The following CPA6 variants were observed in gnomAD, a reference collection of about 807,000 sequenced individuals.
The protein encoded by CPA6 is carboxypeptidase B.
CPA6 carries 58 observed loss-of-function variants against 63.3 expected under a neutral mutation model. That is an observed-to-expected ratio of 0.92 (90% confidence interval 0.74 to 1.14). The LOEUF (loss-of-function observed/expected upper bound fraction) is 1.14. CPA6 is among the 50% of genes most tolerant of loss of function. The pLI is 0.00. For synonymous variants in CPA6, 185 were observed against 179.0 expected, an observed-to-expected ratio of 1.03 and a Z score of -0.27; for missense variants, 565 against 526.6, an observed-to-expected ratio of 1.07 and a Z score of -0.71.
chr8:67,558,284 C>T (rs532795116), intron 2 of CPA6, among the ~76,000 whole-genome samples: 2 of 152,254 alleles, frequency 1.3e-5, no homozygotes, highest in East Asian at 3.9e-4. Flanking sequence ...CAAAGAAATG[C>T]ATTTCTTCTA....
At chr8:67,684,802 C>T (rs987210299) in intron 1 of CPA6, among the ~76,000 whole-genome samples, 35 of 152,170 alleles carry the variant, frequency 2.3e-4, no homozygotes, top group African/African-American at 7.5e-4. Flanking sequence ...ATCTGATCAC[C>T]TTCCACATCC....
At chr8:67,548,454 A>C (rs1228684191) in intron 2 of CPA6, among the ~76,000 whole-genome samples, 1 of 151,464 alleles carries the variant, frequency 6.6e-6, no homozygotes, top group Non-Finnish European at 1.5e-5. Flanking sequence ...ACAGGGTTTC[A>C]CCATGTTGGC....
At chr8:67,434,273 G>A (rs375456613) in intron 8 of CPA6, 33 bp from the exon 9 acceptor site, 2 of 1,559,662 alleles carry the variant, frequency 1.3e-6, no homozygotes, top group African/African-American at 2.7e-5. Context: ...GGGTAAGGAA[G>A]TGGGCAGGGA....
chr8:67,573,414 T>C (rs745825769), intron 2 of CPA6, among the ~76,000 whole-genome samples: 2 of 152,154 alleles, frequency 1.3e-5, no homozygotes, highest in Non-Finnish European at 2.9e-5. Context: ...GATATACAAA[T>C]TCAGTAAAGT....
intron 8 of CPA6, among the ~76,000 whole-genome samples, chr8:67,464,558 C>T (rs1215720101): frequency 6.6e-6 from 1 of 152,118 alleles, no homozygotes; most frequent in Non-Finnish European, 1.5e-5. Flanking sequence ...GTTGCAATTG[C>T]TTTTGAGGAC....
chr8:67,517,616 C>A (rs1812172446), intron 3 of CPA6, among the ~76,000 whole-genome samples: 1 of 152,212 alleles, frequency 6.6e-6, no homozygotes, highest in Non-Finnish European at 1.5e-5. Context: ...CTTTTCCACT[C>A]CTGCCTTCTC....
chr8:67,473,831 T>C (rs1291155409), intron 8 of CPA6, among the ~76,000 whole-genome samples: 1 of 151,900 alleles, frequency 6.6e-6, no homozygotes, highest in Non-Finnish European at 1.5e-5. Flanking sequence ...GGTCTCGAAA[T>C]CCCGGGCTCA....
chr8:67,600,836 G>T (rs1343106765), intron 2 of CPA6, among the ~76,000 whole-genome samples: 2 of 152,086 alleles, frequency 1.3e-5, no homozygotes, highest in Non-Finnish European at 2.9e-5. Flanking sequence ...AAGAACAAAG[G>T]TTCACAAGAG....
chr8:67,573,891 CAAAAAAAAAAAAAA>C, intron 2 of CPA6, among the ~76,000 whole-genome samples: 1 of 33,494 alleles, frequency 3.0e-5, no homozygotes, highest in Admixed American at 3.0e-4. Flanking sequence ...GACTCCGTCT[CAAAAAAAAAAAAAA>C]AAAAAAAAAA....
chr8:67,733,639 G>A (rs1338961476), intron 1 of CPA6, among the ~76,000 whole-genome samples: 1 of 152,058 alleles, frequency 6.6e-6, no homozygotes, highest in Non-Finnish European at 1.5e-5. Context: ...AGGACTTAAA[G>A]AAGTGCTGTA....
chr8:67,611,053 T>A (rs1430489244), intron 2 of CPA6, among the ~76,000 whole-genome samples: 2 of 151,620 alleles, frequency 1.3e-5, no homozygotes, highest in African/African-American at 2.4e-5. Flanking sequence ...TATTATCCCA[T>A]AACATCTACC....
chr8:67,560,437 A>G (rs1189476991), intron 2 of CPA6, among the ~76,000 whole-genome samples: 1 of 152,174 alleles, frequency 6.6e-6, no homozygotes, highest in African/African-American at 2.4e-5. Context: ...AAATAAGTTA[A>G]CAGTCTTCTG....
At chr8:67,649,255 T>C (rs532742587) in intron 1 of CPA6, among the ~76,000 whole-genome samples, 4 of 152,356 alleles carry the variant, frequency 2.6e-5, no homozygotes, top group Admixed American at 2.0e-4. Context: ...GCATGCAATG[T>C]GAATCTGGAA....
At chr8:67,576,014 T>A (rs2128977363) in intron 2 of CPA6, among the ~76,000 whole-genome samples, 1 of 152,270 alleles carries the variant, frequency 6.6e-6, no homozygotes, top group East Asian at 1.9e-4. Context: ...GAGAGTAGAA[T>A]GGTGGTTACC....
chr8:67,700,403 A>T (rs543906580), intron 1 of CPA6, among the ~76,000 whole-genome samples: 2 of 152,292 alleles, frequency 1.3e-5, no homozygotes, highest in African/African-American at 4.8e-5. Context: ...CAATACAGCC[A>T]TTTTCTCCAG....
intron 2 of CPA6, among the ~76,000 whole-genome samples, chr8:67,540,700 C>T (rs1360222597): frequency 6.6e-6 from 1 of 152,218 alleles, no homozygotes; most frequent in East Asian, 1.9e-4. Context: ...AGATGCCCTG[C>T]CCAGAGAGGA....
intron 8 of CPA6, among the ~76,000 whole-genome samples, chr8:67,445,284 A>G (rs1261755614): frequency 3.3e-5 from 5 of 152,172 alleles, no homozygotes; most frequent in Non-Finnish European, 7.3e-5. Flanking sequence ...TATAGATGAA[A>G]AAAGAAAAAG....
At chr8:67,667,416 C>A (rs1180572597) in intron 1 of CPA6, among the ~76,000 whole-genome samples, 3 of 152,048 alleles carry the variant, frequency 2.0e-5, no homozygotes, top group Non-Finnish European at 4.4e-5. Flanking sequence ...GAGCCAAAAC[C>A]AGGGCCTGGA....
rs746487520 is a variant in CPA6, at chr8:67,484,707, A to G, written c.719T>C (p.Val240Ala). The change falls in exon 7 of 11, where the codon GTC (valine) becomes GCC (alanine). Residue 240 changes from valine (V) to alanine (A), a missense_variant. Val to Ala is a moderately conservative substitution (Grantham distance 64). Coordinates refer to ENST00000297770, the MANE Select transcript of CPA6 (RefSeq NM_020361.5). ...LYFYIMPVFNVDGYHFSWTND... is the reference protein window; with the variant it reads ...LYFYIMPVFNADGYHFSWTND... ...GGTCCAACTAAAATGGTATCCATCG[A>G]CGTTAAACACAGGCATGATATAGAA... is the stretch of plus-strand genomic sequence containing the variant. 1.2e-6 allele frequency: 2 copies of G among 1,603,982 alleles called. No individual in the cohort carries two copies. The highest frequency in any genetic ancestry group is 1.1e-5 in the South Asian group (1 of 90,768).
Sources: gnomAD v4.1 joint callset for allele counts (sites outside exome capture counted in the v4.1 genomes callset) on GRCh38, gnomAD v4.1.1 for gene constraint, MANE v1.5 for transcripts, NCBI Gene and HGNC (gene_info 2026-07-23, HGNC 2026-07-21) for gene names.